The following SMIM10L3 variants were observed in gnomAD, a reference collection of about 807,000 sequenced individuals.
SMIM10L3 encodes salivary gland specific protein SAGSIN1.
the SMIM10L3 span, among the ~76,000 whole-genome samples, chr7:6,341,455 TAA>T: frequency 0.033 from 4,633 of 140,142 alleles, 287 homozygotes; most frequent in African/African-American, 0.12. Context: ...AAAATAATAA[TAA>T]TAATTATTAT....
At chr7:6,335,574 ATTC>A in the SMIM10L3 span, among the ~76,000 whole-genome samples, 3 of 152,018 alleles carry the variant, frequency 2.0e-5, no homozygotes, top group African/African-American at 4.8e-5. Flanking sequence ...GGTTTAGTTC[ATTC>A]TTCTTTCTTC....
At chr7:6,331,791 A>G in the SMIM10L3 span, among the ~76,000 whole-genome samples, 1 of 135,252 alleles carries the variant, frequency 7.4e-6, no homozygotes, top group Non-Finnish European at 1.5e-5. Context: ...CCTAGGCTGG[A>G]GTGCAATGGC....
chr7:6,332,113 G>GAA, the SMIM10L3 span, among the ~76,000 whole-genome samples: 13 of 129,086 alleles, frequency 1.0e-4, no homozygotes, highest in African/African-American at 1.4e-4. Context: ...CCATCTCACG[G>GAA]AAAAAAAAAA....
chr7:6,336,283 GGCTGCAGTAA>G, the SMIM10L3 span, among the ~76,000 whole-genome samples: 1 of 152,014 alleles, frequency 6.6e-6, no homozygotes, highest in South Asian at 2.1e-4. Flanking sequence ...AGAAGCTCAA[GGCTGCAGTAA>G]GCTGTGATCA....
the SMIM10L3 span, among the ~76,000 whole-genome samples, chr7:6,344,669 T>A: frequency 6.6e-6 from 1 of 152,134 alleles, no homozygotes; most frequent in Non-Finnish European, 1.5e-5. Context: ...TCCTCCCACC[T>A]TGGACTCCCA....
the SMIM10L3 span, among the ~76,000 whole-genome samples, chr7:6,341,208 G>A: frequency 6.6e-6 from 1 of 151,120 alleles, no homozygotes; most frequent in African/African-American, 2.4e-5. Context: ...ACTTTGGGAG[G>A]CCAAGGAGGG....
At chr7:6,332,398 A>T in the SMIM10L3 span, among the ~76,000 whole-genome samples, 1 of 152,168 alleles carries the variant, frequency 6.6e-6, no homozygotes, top group Non-Finnish European at 1.5e-5. Flanking sequence ...CTTTGCATCT[A>T]TCTGTAAACT....
chr7:6,336,740 A>C, the SMIM10L3 span, among the ~76,000 whole-genome samples: 13 of 148,834 alleles, frequency 8.7e-5, no homozygotes, highest in Non-Finnish European at 1.8e-4. Context: ...TGCAGCCTCG[A>C]CTTCCTCAAG....
chr7:6,348,951 G>C, the SMIM10L3 span: 3 of 378,946 alleles, frequency 7.9e-6, no homozygotes, highest in African/African-American at 4.2e-5. Flanking sequence ...GCCTGTACCA[G>C]CCTGGCCGCG....
At chr7:6,331,178 G>A in the SMIM10L3 span, 16 of 1,595,474 alleles carry the variant, frequency 1.0e-5, no homozygotes, top group African/African-American at 9.4e-5. Context: ...GGATGCGGTG[G>A]GCCTGAGGTC....
At chr7:6,340,898 CA>C in the SMIM10L3 span, among the ~76,000 whole-genome samples, 119 of 33,694 alleles carry the variant, frequency 3.5e-3, no homozygotes, top group Admixed American at 5.2e-3. Context: ...GACTCCATCT[CA>C]AAAAAAAAAA....
At chr7:6,333,651 A>AC in the SMIM10L3 span, among the ~76,000 whole-genome samples, 1 of 148,118 alleles carries the variant, frequency 6.8e-6, no homozygotes, top group East Asian at 2.0e-4. Context: ...GGCAGGCACC[A>AC]CCACACCTGG....
the SMIM10L3 span, among the ~76,000 whole-genome samples, chr7:6,338,422 G>A: frequency 6.6e-6 from 1 of 152,080 alleles, no homozygotes; most frequent in South Asian, 2.1e-4. Context: ...AGCTACCAAA[G>A]CTGAGACCAC....
chr7:6,331,181 C>T, the SMIM10L3 span: 1 of 1,593,256 alleles, frequency 6.3e-7, no homozygotes, highest in African/African-American at 1.3e-5. Context: ...TGCGGTGGGC[C>T]TGAGGTCACG....
At chr7:6,330,416 G>A in the SMIM10L3 span, 1 of 1,613,954 alleles carries the variant, frequency 6.2e-7, no homozygotes, top group Non-Finnish European at 8.5e-7. Context: ...AAAGGTTGCA[G>A]AGCCAGTAAC....
the SMIM10L3 span, among the ~76,000 whole-genome samples, chr7:6,336,619 G>A: frequency 4.0e-5 from 6 of 151,836 alleles, no homozygotes; most frequent in South Asian, 2.1e-4. Flanking sequence ...AGGAAGCAGA[G>A]GCTGCCGTGA....
chr7:6,348,002 C>G, the SMIM10L3 span, among the ~76,000 whole-genome samples: 9 of 151,382 alleles, frequency 5.9e-5, no homozygotes, highest in Non-Finnish European at 1.3e-4. Context: ...CCTGCGCCTC[C>G]CAGGTTCCAG....
chr7:6,345,417 C>G, the SMIM10L3 span, among the ~76,000 whole-genome samples: 1 of 151,970 alleles, frequency 6.6e-6, no homozygotes, highest in Non-Finnish European at 1.5e-5. Flanking sequence ...ACCCAGCCCT[C>G]GATCTGATTT....
the SMIM10L3 span, among the ~76,000 whole-genome samples, chr7:6,334,592 G>T: frequency 6.6e-6 from 1 of 151,842 alleles, no homozygotes; most frequent in Non-Finnish European, 1.5e-5. Flanking sequence ...TAAGCCTCCT[G>T]AGTAGCTGGG....
Sources: gnomAD v4.1 joint callset for allele counts (sites outside exome capture counted in the v4.1 genomes callset) on GRCh38, gnomAD v4.1.1 for gene constraint, MANE v1.5 for transcripts, NCBI Gene and HGNC (gene_info 2026-07-23, HGNC 2026-07-21) for gene names.